Variants in GRIN2A observed in about 807,000 individuals in gnomAD.
GRIN2A encodes glutamate ionotropic receptor NMDA type subunit 2A, also known as glutamate receptor ionotropic, NMDA 2A.
A neutral mutation model predicts 113.4 loss-of-function variants in GRIN2A; 22 were observed. That is an observed-to-expected ratio of 0.19 (90% CI 0.14 to 0.28). The LOEUF (loss-of-function observed/expected upper bound fraction) is 0.28, where lower values mean the gene tolerates loss of function less well. GRIN2A is among the 10% of genes least tolerant of loss of function. GRIN2A has a pLI of 1.00. For missense variants in GRIN2A, 1,502 were observed against 1,887.0 expected (o/e 0.80, Z 3.78); for synonymous variants, 827 against 738.4 (o/e 1.12, Z -1.94).
At chr16:9,795,331 G>A (rs1303956193) in intron 11 of GRIN2A, among the ~76,000 whole-genome samples, 11 of 152,204 alleles carry the variant, frequency 7.2e-5, no homozygotes, top group East Asian at 3.9e-4. Context: ...TCCCACCAGC[G>A]CCATGACAGT....
intron 4 of GRIN2A, among the ~76,000 whole-genome samples, chr16:9,874,434 G>A (rs896992138): frequency 1.3e-5 from 2 of 152,144 alleles, no homozygotes; most frequent in African/African-American, 2.4e-5. Context: ...GCTCTGAGCC[G>A]AGCTCAGAAA....
rs779912597 is a variant in GRIN2A at position 9,802,393 on chromosome 16, T to C, written c.2169-3929A>G. 1.5e-4 allele frequency among the ~76,000 whole-genome samples: 23 copies of C among 152,130 alleles called. 1 individual carries two copies. Among genetic ancestry groups the C allele is most frequent in the Admixed American group, 7.9e-4 (12 of 15,280 alleles). On this transcript the variant is annotated intron_variant, in intron 10 of 12. Coordinates refer to ENST00000330684, the MANE Select transcript of GRIN2A (RefSeq NM_001134407.3). ...CAACATCATGTCCTTTGCAGAGACATGAATGGAGGTGCACACCATTATCCT... is the reference window on the plus strand; with the variant it reads ...CAACATCATGTCCTTTGCAGAGACACGAATGGAGGTGCACACCATTATCCT...
At position 10,118,255 on chromosome 16, in the gene GRIN2A, T is replaced by C. The variant is rs531577926; in HGVS notation, c.414+61743A>G. On this transcript the variant is annotated intron_variant, in intron 2 of 12. Coordinates refer to ENST00000330684, the MANE Select transcript of GRIN2A (RefSeq NM_001134407.3). ...AGCCAGATACCCTGAACTTTTTAGT[T>C]ACCTGATCAAATAAATGTTCCTGTT... is the stretch of plus-strand genomic sequence containing the variant. 3.3e-5 allele frequency among the ~76,000 whole-genome samples: 5 copies of C among 152,190 alleles called. No individual in the cohort carries two copies. In the South Asian group the frequency reaches 8.3e-4, roughly 25 times the overall value.
Position 9,880,766 on chromosome 16 carries a change from A to G in GRIN2A, c.1122+10220T>C, listed in dbSNP as rs147216337. Among the ~76,000 whole-genome samples, 308 of 152,288 alleles carry G rather than the reference A, an allele frequency of 2.0e-3. 2 individuals carry two copies. The highest frequency in any genetic ancestry group is 6.9e-3 in the African/African-American group (286 of 41,562). ...ATGGCCTCCTCACACATATTCAGAA[A>G]TCCAAATCTTGCTTATTCTCGTGAG... On this transcript the variant is annotated intron_variant, in intron 4 of 12. Coordinates refer to ENST00000330684, the MANE Select transcript of GRIN2A (RefSeq NM_001134407.3).
intron 2 of GRIN2A, among the ~76,000 whole-genome samples, chr16:10,040,305 T>C (rs111067689): frequency 0.028 from 3,930 of 140,724 alleles, 186 homozygotes; most frequent in African/African-American, 0.1. Flanking sequence ...CACATCCAAA[T>C]ACACAACACA....
rs150976182 is a variant in GRIN2A at position 9,839,011 on chromosome 16, G to A, written c.1651+1636C>T. On this transcript the variant is annotated intron_variant, in intron 7 of 12. Transcript: ENST00000330684. ...CCCAGACTTCACCACTATATAATTC[G>A]TCCATATAACCAAAAATCACTTGTA... is the stretch of plus-strand genomic sequence containing the variant. 1.4e-3 allele frequency among the ~76,000 whole-genome samples: 210 copies of A among 152,108 alleles called. 2 individuals are homozygous for A. The highest frequency in any genetic ancestry group is 4.9e-3 in the African/African-American group (203 of 41,480).
At chr16:10,084,190 C>G (rs1399453758) in intron 2 of GRIN2A, among the ~76,000 whole-genome samples, 1 of 152,180 alleles carries the variant, frequency 6.6e-6, no homozygotes, top group Non-Finnish European at 1.5e-5. Context: ...CTTCAGCACA[C>G]AGTAAACACT....
chr16:10,030,500 G>A (rs766895768), intron 2 of GRIN2A, among the ~76,000 whole-genome samples: 1 of 152,178 alleles, frequency 6.6e-6, no homozygotes, highest in Non-Finnish European at 1.5e-5. Context: ...TGCACTTACT[G>A]TTGCCCTGGG....
intron 2 of GRIN2A, among the ~76,000 whole-genome samples, chr16:9,985,702 G>C (rs1489497412): frequency 6.6e-6 from 1 of 152,042 alleles, no homozygotes; most frequent in Admixed American, 6.5e-5. Flanking sequence ...AGGCTAGGAA[G>C]GGTAGTTGGG....
rs933066755 is a variant in GRIN2A, at chr16:9,763,661, T to C, written c.3883A>G (p.Ile1295Val). 1 of 1,613,360 alleles carries C rather than the reference T, an allele frequency of 6.2e-7. No individual in the cohort carries two copies. Among genetic ancestry groups the C allele is most frequent in the African/African-American group, 1.3e-5 (1 of 74,878 alleles). The change falls in exon 13 of 13, where the codon ATT (isoleucine) becomes GTT (valine). Residue 1295 changes from isoleucine (I) to valine (V), a missense_variant. Around this residue, in one of 7 missense-constraint regions of GRIN2A, gnomAD observed 832 missense variants for 789.7 expected, o/e 1.05. Coordinates refer to ENST00000330684, the MANE Select transcript of GRIN2A (RefSeq NM_001134407.3). ...RISRQHSYDN[I>V]VDKPRELDLS... ...TCTAGCTCCCTAGGTTTGTCGACAA[T>C]GTTATCGTAGGAATGCTGACGGCTA...
intron 10 of GRIN2A, among the ~76,000 whole-genome samples, chr16:9,811,093 G>A (rs2141269050): frequency 6.6e-6 from 1 of 152,314 alleles, no homozygotes; most frequent in East Asian, 1.9e-4. Flanking sequence ...CAGTGGAGAT[G>A]TGTTTATAAT....
At chr16:10,005,821 G>A (rs142654946) in intron 2 of GRIN2A, among the ~76,000 whole-genome samples, 3 of 152,246 alleles carry the variant, frequency 2.0e-5, no homozygotes, top group South Asian at 4.2e-4. Context: ...AAAAGGGGAA[G>A]TTTTCATCCA....
chr16:10,063,496 C>A (rs1182059430), intron 2 of GRIN2A, among the ~76,000 whole-genome samples: 1 of 152,158 alleles, frequency 6.6e-6, no homozygotes, highest in Non-Finnish European at 1.5e-5. Context: ...ATAAGCCTCC[C>A]ACCCAAAAAT....
intron 2 of GRIN2A, among the ~76,000 whole-genome samples, chr16:10,067,023 A>C (rs8063684): frequency 0.031 from 4,698 of 152,268 alleles, 246 homozygotes; most frequent in African/African-American, 0.11. Flanking sequence ...TGGATGAATA[A>C]ATGAATGAGC....
intron 10 of GRIN2A, among the ~76,000 whole-genome samples, chr16:9,798,802 G>A (rs1269709911): frequency 6.6e-6 from 1 of 152,190 alleles, no homozygotes; most frequent in Non-Finnish European, 1.5e-5. Context: ...GTTTGCATCA[G>A]AACAAAATAA....
At chr16:10,067,028 A>T (rs2047663148) in intron 2 of GRIN2A, among the ~76,000 whole-genome samples, 1 of 152,218 alleles carries the variant, frequency 6.6e-6, no homozygotes, top group African/African-American at 2.4e-5. Context: ...GAATAAATGA[A>T]TGAGCAAAAA....
At chr16:10,144,738 T>C (rs982401759) in intron 2 of GRIN2A, among the ~76,000 whole-genome samples, 1 of 151,934 alleles carries the variant, frequency 6.6e-6, no homozygotes, top group African/African-American at 2.4e-5. Context: ...CTGGCCAACA[T>C]GGTGAAACCT....
intron 2 of GRIN2A, among the ~76,000 whole-genome samples, chr16:9,971,549 T>C (rs2045669748): frequency 6.6e-6 from 1 of 152,356 alleles, no homozygotes; most frequent in Middle Eastern, 3.4e-3. Flanking sequence ...TTCTTGTTTC[T>C]AGCTCCTGTA....
chr16:10,032,762 C>A (rs1459390246), intron 2 of GRIN2A, among the ~76,000 whole-genome samples: 1 of 152,184 alleles, frequency 6.6e-6, no homozygotes, highest in Non-Finnish European at 1.5e-5. Context: ...CACCAAACAA[C>A]AAATGGGGAA....
Sources: allele counts gnomAD v4.1 joint callset (sites outside exome capture counted in the v4.1 genomes callset), GRCh38; gene constraint gnomAD v4.1.1; regional missense constraint gnomAD v4.1.1; transcripts MANE v1.5; gene names NCBI Gene and HGNC (gene_info 2026-07-23, HGNC 2026-07-21).